SMARCC1: variants seen among roughly 807,000 people sequenced by gnomAD.
SMARCC1 encodes SWI/SNF related BAF chromatin remodeling complex subunit C1, also known as SWI/SNF complex subunit SMARCC1.
SMARCC1 carries 43 observed loss-of-function variants against 147.4 expected under a neutral mutation model. That is an observed-to-expected ratio of 0.29 (90% CI 0.23 to 0.38). SMARCC1 has a LOEUF of 0.38. Among genes scored for constraint, SMARCC1 ranks in the 10% least tolerant of loss-of-function variants. The pLI is 1.00. For synonymous variants in SMARCC1, 495 were observed against 484.4 expected (o/e 1.02, Z -0.29); for missense variants, 1,119 against 1,381.1 (o/e 0.81, Z 3.01).
intron 26 of SMARCC1, among the ~76,000 whole-genome samples, chr3:47,592,968 C>A (rs1023863490): frequency 6.6e-6 from 1 of 151,870 alleles, no homozygotes; most frequent in Non-Finnish European, 1.5e-5. Context: ...TACAGGTGTG[C>A]ACCACCATGC....
intron 14 of SMARCC1, among the ~76,000 whole-genome samples, chr3:47,682,953 T>A (rs1156950681): frequency 6.6e-6 from 1 of 152,244 alleles, no homozygotes; most frequent in African/African-American, 2.4e-5. Context: ...GTAACAAATG[T>A]AATGAAGACT....
At chr3:47,676,845 T>C (rs2033581095) in intron 16 of SMARCC1, 63 bp from the exon 17 acceptor site, 2 of 1,395,428 alleles carry the variant, frequency 1.4e-6, no homozygotes, top group Non-Finnish European at 2.0e-6. Context: ...TTTACTATCA[T>C]CATCATGCCA....
intron 2 of SMARCC1, among the ~76,000 whole-genome samples, chr3:47,751,524 G>GGCAAC: frequency 6.6e-6 from 1 of 150,818 alleles, no homozygotes; most frequent in East Asian, 2.0e-4. Context: ...CTGGGCAACA[G>GGCAAC]AGCAAGACTC....
intron 19 of SMARCC1, among the ~76,000 whole-genome samples, chr3:47,669,886 G>A (rs1420848498): frequency 2.6e-5 from 4 of 152,156 alleles, no homozygotes; most frequent in African/African-American, 9.7e-5. Context: ...AACCCAGAGG[G>A]CACCAGGCTC....
intron 19 of SMARCC1, among the ~76,000 whole-genome samples, chr3:47,667,947 CAGG>C (rs1469461572): frequency 6.6e-6 from 1 of 152,026 alleles, no homozygotes; most frequent in Non-Finnish European, 1.5e-5. Context: ...GAGGCTGAGG[CAGG>C]AGGATCACTA....
intron 3 of SMARCC1, among the ~76,000 whole-genome samples, chr3:47,745,581 T>C (rs1188264166): frequency 6.6e-6 from 1 of 151,798 alleles, no homozygotes; most frequent in African/African-American, 2.4e-5. Flanking sequence ...GGCATGGTGG[T>C]GCACGCCTAC....
intron 26 of SMARCC1, among the ~76,000 whole-genome samples, chr3:47,594,221 A>T (rs1163957906): frequency 6.6e-6 from 1 of 152,136 alleles, no homozygotes; most frequent in East Asian, 1.9e-4. Context: ...TTTTTAAAGC[A>T]AAGTACATCA....
intron 21 of SMARCC1, among the ~76,000 whole-genome samples, chr3:47,660,771 T>C (rs779820030): frequency 1.4e-4 from 22 of 152,162 alleles, no homozygotes; most frequent in Non-Finnish European, 2.4e-4. Context: ...TGACTTCCTA[T>C]TGGGATGAGG....
At chr3:47,732,556 G>C (rs1382611046) in intron 5 of SMARCC1, among the ~76,000 whole-genome samples, 2 of 152,112 alleles carry the variant, frequency 1.3e-5, no homozygotes, top group Admixed American at 6.6e-5. Flanking sequence ...TGAGAGATAA[G>C]CAACTCTTCC....
At chr3:47,709,473 G>A (rs2034058278) in intron 9 of SMARCC1, among the ~76,000 whole-genome samples, 1 of 151,708 alleles carries the variant, frequency 6.6e-6, no homozygotes, top group African/African-American at 2.4e-5. Context: ...ATCACCTGAG[G>A]TTAAGAGTTC....
chr3:47,692,868 A>G (rs999182705), intron 12 of SMARCC1, among the ~76,000 whole-genome samples: 5 of 152,156 alleles, frequency 3.3e-5, no homozygotes, highest in African/African-American at 4.8e-5. Flanking sequence ...AAATACAAAA[A>G]TTAGCTGGGC....
chr3:47,659,673 C>A, intron 21 of SMARCC1, among the ~76,000 whole-genome samples: 1 of 139,346 alleles, frequency 7.2e-6, no homozygotes, highest in African/African-American at 2.7e-5. Context: ...GGTAGTCAGG[C>A]AGTATACAGA....
chr3:47,613,847 A>G (rs1222307913), intron 25 of SMARCC1, among the ~76,000 whole-genome samples: 1 of 152,116 alleles, frequency 6.6e-6, no homozygotes, highest in Non-Finnish European at 1.5e-5. Context: ...GTATGTATAA[A>G]GCAGCCGTAT....
intron 24 of SMARCC1, among the ~76,000 whole-genome samples, chr3:47,629,838 C>A (rs2032863231): frequency 6.6e-6 from 1 of 151,970 alleles, no homozygotes; most frequent in South Asian, 2.1e-4. Context: ...AATATCATGA[C>A]AGATAATAAA....
rs190294275 is a variant in SMARCC1 at position 47,649,977 on chromosome 3, C to A, written c.2321-11197G>T. Among the ~76,000 whole-genome samples the A allele has an allele frequency of 7.0e-4, 107 of 152,174 alleles. 1 individual carries two copies. Among genetic ancestry groups the A allele is most frequent in the African/African-American group, 2.5e-3 (103 of 41,528 alleles). On this transcript the variant is annotated intron_variant, in intron 21 of 27. Coordinates refer to ENST00000254480, the MANE Select transcript of SMARCC1 (RefSeq NM_003074.4). ...CAAAGAATCATCGAATGTCTTCAAC[C>A]TACTTTGAAATAATTCAGGCCGGGC...
intron 26 of SMARCC1, among the ~76,000 whole-genome samples, chr3:47,609,234 C>T (rs1479391850): frequency 1.1e-4 from 16 of 152,154 alleles, no homozygotes; most frequent in Admixed American, 5.9e-4. Context: ...CAGTGGCTCA[C>T]GCCTATAATC....
At chr3:47,677,831 C>T (rs2033593418) in intron 16 of SMARCC1, among the ~76,000 whole-genome samples, 1 of 152,052 alleles carries the variant, frequency 6.6e-6, no homozygotes, top group African/African-American at 2.4e-5. Context: ...AGCCACTGCA[C>T]CCAGCCTAAA....
chr3:47,755,035 T>G (rs1232997637), intron 2 of SMARCC1, among the ~76,000 whole-genome samples: 1 of 151,628 alleles, frequency 6.6e-6, no homozygotes, highest in Non-Finnish European at 1.5e-5. Context: ...AGAGCAAGAC[T>G]CTGTCTCAAA....
At chr3:47,679,861 C>CAAAAAA (rs35582823) in intron 15 of SMARCC1, among the ~76,000 whole-genome samples, 1 of 78,510 alleles carries the variant, frequency 1.3e-5, no homozygotes, top group African/African-American at 5.5e-5. Flanking sequence ...GACTCCATCT[C>CAAAAAA]AAAAAAAAAA....
Sources: allele counts gnomAD v4.1 joint callset (sites outside exome capture counted in the v4.1 genomes callset), GRCh38; gene constraint gnomAD v4.1.1; transcripts MANE v1.5; gene names NCBI Gene and HGNC (gene_info 2026-07-23, HGNC 2026-07-21).